CPEB1: variants seen among roughly 807,000 people sequenced by gnomAD.
CPEB1 encodes the protein cytoplasmic polyadenylation element-binding protein 1.
A neutral mutation model predicts 65.8 loss-of-function variants in CPEB1; 7 were observed. That is an observed-to-expected ratio of 0.11 (90% CI 0.06 to 0.20). The LOEUF (loss-of-function observed/expected upper bound fraction) is 0.20. CPEB1 is among the 10% of genes least tolerant of loss of function. CPEB1 has a pLI of 1.00. For synonymous variants in CPEB1, 262 were observed against 260.0 expected (o/e 1.01, Z -0.08); for missense variants, 551 against 712.2 (o/e 0.77, Z 2.58).
intron 1 of CPEB1, among the ~76,000 whole-genome samples, chr15:82,643,746 A>G (rs79329109): frequency 6.6e-6 from 1 of 152,260 alleles, no homozygotes; most frequent in African/African-American, 2.4e-5. Context: ...TTGAAACCCC[A>G]GCCCCTCATT....
intron 4 of CPEB1, among the ~76,000 whole-genome samples, chr15:82,567,632 T>C (rs573652212): frequency 6.7e-6 from 1 of 148,922 alleles, no homozygotes; most frequent in East Asian, 2.0e-4. Context: ...TGAGACTCCA[T>C]CTCAAAAAAA....
At chr15:82,635,811 A>G (rs192544621) in intron 1 of CPEB1, among the ~76,000 whole-genome samples, 1 of 152,360 alleles carries the variant, frequency 6.6e-6, no homozygotes. Flanking sequence ...TGTTTTGGCT[A>G]GAGAATAATG....
rs543234127 is a variant in CPEB1 at position 82,562,657 on chromosome 15, T to C, written c.461-4671A>G. 1.8e-4 allele frequency among the ~76,000 whole-genome samples: 27 copies of C among 151,910 alleles called. 1 individual carries two copies. The South Asian group carries it at 4.4e-3, about 25-fold the overall frequency. ...GAGTTCAAGACCACCCTGGACAACA[T>C]AGTAAGGCCTGTCTCTAAAAAAAAT... On this transcript the variant is annotated intron_variant, in intron 4 of 12. Coordinates refer to ENST00000684509, the MANE Select transcript of CPEB1 (RefSeq NM_001365242.1).
intron 1 of CPEB1, chr15:82,641,572 C>G (rs1284955116): frequency 1.3e-5 from 2 of 152,144 alleles, no homozygotes; most frequent in Non-Finnish European, 2.9e-5. Flanking sequence ...CAAGTTACTC[C>G]TAAAATCAAT....
intron 3 of CPEB1, chr15:82,573,342 A>C: frequency 1.6e-6 from 1 of 614,056 alleles, no homozygotes; most frequent in Non-Finnish European, 2.7e-6. Flanking sequence ...AGCCTTGTTC[A>C]TCATGGCAAA....
intron 6 of CPEB1, 54 bp from the exon 7 acceptor site, chr15:82,554,045 A>G (rs1225936374): frequency 9.0e-7 from 1 of 1,113,942 alleles, no homozygotes; most frequent in Non-Finnish European, 1.3e-6. Context: ...CAACAAAGCC[A>G]CACTCTTCCC....
chr15:82,561,542 G>T (rs1339108129), intron 4 of CPEB1, among the ~76,000 whole-genome samples: 2 of 152,158 alleles, frequency 1.3e-5, no homozygotes, highest in Non-Finnish European at 2.9e-5. Flanking sequence ...ACCAAAGATG[G>T]CAAGTATGGG....
At chr15:82,630,946 C>T (rs188247700) in intron 1 of CPEB1, among the ~76,000 whole-genome samples, 6 of 152,030 alleles carry the variant, frequency 3.9e-5, no homozygotes, top group Admixed American at 2.6e-4. Context: ...AATAAAAGTA[C>T]TATATATATA....
At chr15:82,615,703 A>G (rs992707330) in intron 3 of CPEB1, among the ~76,000 whole-genome samples, 1 of 152,208 alleles carries the variant, frequency 6.6e-6, no homozygotes, top group Non-Finnish European at 1.5e-5. Flanking sequence ...GACAACATCT[A>G]GAGTCTACAT....
chr15:82,546,665 G>A (rs2035278181), intron 11 of CPEB1, 144 bp from the exon 12 acceptor site: 8 of 678,782 alleles, frequency 1.2e-5, no homozygotes, highest in Non-Finnish European at 1.8e-5. Flanking sequence ...AAGGAGGCTT[G>A]GAGAGAATTA....
chr15:82,581,142 C>T (rs1411022034), intron 3 of CPEB1, among the ~76,000 whole-genome samples: 1 of 152,176 alleles, frequency 6.6e-6, no homozygotes, highest in Non-Finnish European at 1.5e-5. Flanking sequence ...GCCTGGCATG[C>T]ATGCATTCAT....
At position 82,619,263 on chromosome 15, in the gene CPEB1, T is replaced by A. The variant is rs74028536; in HGVS notation, c.271+7930A>T. Among the ~76,000 whole-genome samples, 428 of 152,312 alleles carry A rather than the reference T, an allele frequency of 2.8e-3. 2 individuals are homozygous for A. Among genetic ancestry groups the A allele is most frequent in the African/African-American group, 1.0e-2 (415 of 41,574 alleles). On this transcript the variant is annotated intron_variant, in intron 3 of 12. Transcript: ENST00000684509. Reference sequence around the variant, plus strand: ...GGCTATCCACACAGAACAAAATTAATCTTCCCCTTCTTATACCATGTACAA... The same window carrying A: ...GGCTATCCACACAGAACAAAATTAAACTTCCCCTTCTTATACCATGTACAA...
chr15:82,608,155 T>TA (rs1358850378), intron 3 of CPEB1, among the ~76,000 whole-genome samples: 3 of 152,266 alleles, frequency 2.0e-5, no homozygotes, highest in African/African-American at 7.2e-5. Context: ...TTGAGTTTTT[T>TA]ATAAAGCCTC....
intron 3 of CPEB1, among the ~76,000 whole-genome samples, chr15:82,605,542 T>C (rs1387965416): frequency 6.6e-6 from 1 of 152,160 alleles, no homozygotes; most frequent in Non-Finnish European, 1.5e-5. Flanking sequence ...TGCTGAGATT[T>C]TAGATGTTCT....
intron 3 of CPEB1, among the ~76,000 whole-genome samples, chr15:82,611,135 G>A (rs2044118485): frequency 6.6e-6 from 1 of 151,400 alleles, no homozygotes; most frequent in Non-Finnish European, 1.5e-5. Flanking sequence ...CAATTAGGAA[G>A]GAAAATGAAA....
intron 3 of CPEB1, among the ~76,000 whole-genome samples, chr15:82,599,566 C>T (rs561568720): frequency 1.1e-4 from 16 of 152,118 alleles, no homozygotes; most frequent in Non-Finnish European, 1.9e-4. Flanking sequence ...AACCCTCTCC[C>T]CACCTCAAAA....
intron 3 of CPEB1, among the ~76,000 whole-genome samples, chr15:82,600,893 TTG>T (rs1047470946): frequency 1.4e-5 from 2 of 138,570 alleles, no homozygotes; most frequent in African/African-American, 2.6e-5. Context: ...AACCCAGAAC[TTG>T]TCTTTTTTTT....
intron 6 of CPEB1, 89 bp downstream of exon 6, chr15:82,555,781 G>C: frequency 7.1e-7 from 1 of 1,401,486 alleles, no homozygotes; most frequent in African/African-American, 1.5e-5. Context: ...GCCTCCTCTA[G>C]ACAGTTCACA....
chr15:82,605,351 T>C (rs1247749414), intron 3 of CPEB1, among the ~76,000 whole-genome samples: 1 of 152,002 alleles, frequency 6.6e-6, no homozygotes, highest in Non-Finnish European at 1.5e-5. Flanking sequence ...TATATTTTTG[T>C]CTTTTTTTTC....
Sources: allele counts gnomAD v4.1 joint callset (sites outside exome capture counted in the v4.1 genomes callset), GRCh38; gene constraint gnomAD v4.1.1; transcripts MANE v1.5; gene names NCBI Gene and HGNC (gene_info 2026-07-23, HGNC 2026-07-21).